ACVR1: variants seen among roughly 807,000 people sequenced by gnomAD.
The protein encoded by ACVR1 is activin receptor type-1.
ACVR1 carries 38 observed loss-of-function variants against 57.1 expected under a neutral mutation model. That is an observed-to-expected ratio of 0.67 (90% CI 0.51 to 0.87). The LOEUF (loss-of-function observed/expected upper bound fraction) is 0.87, where lower values mean the gene tolerates loss of function less well. ACVR1 is among the 40% of genes least tolerant of loss of function. The probability of loss-of-function intolerance (pLI) is 0.00; values close to 1 mark genes in which losing one functional copy is unlikely to be tolerated. For missense variants in ACVR1, 463 were observed against 638.2 expected, an observed-to-expected ratio of 0.73 and a Z score of 2.96; for synonymous variants, 212 against 228.1, an observed-to-expected ratio of 0.93 and a Z score of 0.63.
chr2:157,745,882 C>T (rs1684948436), intron 9 of ACVR1, among the ~76,000 whole-genome samples: 1 of 152,140 alleles, frequency 6.6e-6, no homozygotes, highest in East Asian at 1.9e-4. Flanking sequence ...CTGGCTGACT[C>T]AAAGATTCAT....
intron 9 of ACVR1, among the ~76,000 whole-genome samples, chr2:157,741,136 A>C (rs1465187225): frequency 6.6e-6 from 1 of 152,220 alleles, no homozygotes; most frequent in African/African-American, 2.4e-5. Flanking sequence ...AGAGCAGGAC[A>C]AGTCTCTCAT....
chr2:157,876,214 G>C lies in ACVR1; in HGVS notation c.-601C>G, dbSNP rs1690291416. 6.6e-6 allele frequency among the ~76,000 whole-genome samples: 1 copy of C among 150,690 alleles called. No individual in the cohort carries two copies. The highest frequency in any genetic ancestry group is 2.1e-4 in the South Asian group (1 of 4,798). On this transcript the variant is annotated 5_prime_UTR_variant, in exon 1 of 11. Transcript: ENST00000434821. The stretch of plus-strand genomic sequence containing the variant: ...GGCTGGGAGCACGACCGCGGGCGGG[G>C]CGGGCGGACCAGCTGGGCTTGCCCC...
intron 1 of ACVR1, among the ~76,000 whole-genome samples, chr2:157,861,755 G>T (rs189888098): frequency 6.6e-6 from 1 of 152,328 alleles, no homozygotes; most frequent in Non-Finnish European, 1.5e-5. Flanking sequence ...CACGGGCAAT[G>T]CATCATACTT....
At chr2:157,835,460 A>C (rs552505482) in intron 1 of ACVR1, among the ~76,000 whole-genome samples, 7 of 152,342 alleles carry the variant, frequency 4.6e-5, no homozygotes, top group African/African-American at 1.7e-4. Context: ...TGCTCTTATA[A>C]CCATAATGCT....
intron 1 of ACVR1, among the ~76,000 whole-genome samples, chr2:157,837,968 G>A (rs1688843923): frequency 6.6e-6 from 1 of 152,144 alleles, no homozygotes; most frequent in African/African-American, 2.4e-5. Flanking sequence ...AGTGAGGACA[G>A]CATTGTTTTA....
At chr2:157,804,485 C>A (rs1687447445) in intron 2 of ACVR1, among the ~76,000 whole-genome samples, 1 of 152,088 alleles carries the variant, frequency 6.6e-6, no homozygotes, top group Non-Finnish European at 1.5e-5. Context: ...CAACTAAATC[C>A]TTGTGCAAGG....
intron 1 of ACVR1, among the ~76,000 whole-genome samples, chr2:157,842,483 G>T (rs1689012813): frequency 6.6e-6 from 1 of 152,142 alleles, no homozygotes; most frequent in African/African-American, 2.4e-5. Flanking sequence ...TCAAGTTCCT[G>T]CCCTCAGAGT....
At chr2:157,766,243 A>T (rs747016312) in intron 7 of ACVR1, 47 bp from the exon 8 acceptor site, 4 of 1,591,910 alleles carry the variant, frequency 2.5e-6, no homozygotes, top group South Asian at 2.2e-5. Flanking sequence ...ATTCCACATT[A>T]TAACTTAAAG....
At chr2:157,857,329 A>G (rs1689568644) in intron 1 of ACVR1, among the ~76,000 whole-genome samples, 1 of 151,996 alleles carries the variant, frequency 6.6e-6, no homozygotes, top group Non-Finnish European at 1.5e-5. Flanking sequence ...TCTCCTACCC[A>G]TCTCCGACAC....
intron 1 of ACVR1, among the ~76,000 whole-genome samples, chr2:157,851,080 T>G (rs928844412): frequency 5.3e-5 from 8 of 152,098 alleles, no homozygotes; most frequent in Non-Finnish European, 1.2e-4. Context: ...AGGGTGCTAT[T>G]TCAAAAAACC....
At chr2:157,759,394 C>A (rs995407810) in intron 9 of ACVR1, among the ~76,000 whole-genome samples, 1 of 151,842 alleles carries the variant, frequency 6.6e-6, no homozygotes, top group African/African-American at 2.4e-5. Flanking sequence ...TATAATCTAC[C>A]AAGATGGAAC....
At chr2:157,837,560 A>C (rs1688827643) in intron 1 of ACVR1, among the ~76,000 whole-genome samples, 1 of 152,260 alleles carries the variant, frequency 6.6e-6, no homozygotes, top group African/African-American at 2.4e-5. Context: ...ATAGAGCGGT[A>C]CATCTGTGAT....
chr2:157,853,525 C>A (rs759631873), intron 1 of ACVR1, among the ~76,000 whole-genome samples: 17 of 152,164 alleles, frequency 1.1e-4, no homozygotes, highest in Middle Eastern at 3.2e-3. Flanking sequence ...TTGGGAAGGA[C>A]AAAATTCAGT....
At chr2:157,838,874 C>A (rs1688880374) in intron 1 of ACVR1, among the ~76,000 whole-genome samples, 1 of 152,164 alleles carries the variant, frequency 6.6e-6, no homozygotes, top group South Asian at 2.1e-4. Flanking sequence ...GTAAGTAGAA[C>A]CTAAAAATTA....
At chr2:157,852,199 G>T (rs1181047601) in intron 1 of ACVR1, among the ~76,000 whole-genome samples, 1 of 151,684 alleles carries the variant, frequency 6.6e-6, no homozygotes, top group Non-Finnish European at 1.5e-5. Flanking sequence ...GAACAGAGTT[G>T]AAAAAAATAA....
At chr2:157,849,300 T>C (rs1689221563) in intron 1 of ACVR1, among the ~76,000 whole-genome samples, 1 of 152,234 alleles carries the variant, frequency 6.6e-6, no homozygotes, top group South Asian at 2.1e-4. Context: ...ACAAGCACTA[T>C]GTACTATTGT....
intron 1 of ACVR1, among the ~76,000 whole-genome samples, chr2:157,855,949 G>A (rs767363277): frequency 3.6e-4 from 55 of 151,690 alleles, no homozygotes; most frequent in Middle Eastern, 3.2e-3. Flanking sequence ...AAAGTTCCTC[G>A]CATCATCATG....
At chr2:157,855,308 G>GTGTATATATATA (rs1307480066) in intron 1 of ACVR1, among the ~76,000 whole-genome samples, 7 of 51,656 alleles carry the variant, frequency 1.4e-4, no homozygotes, top group East Asian at 9.5e-4. Flanking sequence ...GTGTGTGTGT[G>GTGTATATATATA]TATATATATA....
At chr2:157,827,555 TCTTA>T (rs1688430904) in intron 1 of ACVR1, among the ~76,000 whole-genome samples, 1 of 152,232 alleles carries the variant, frequency 6.6e-6, no homozygotes, top group African/African-American at 2.4e-5. Context: ...AAAAATAGTC[TCTTA>T]CTTATCTCTG....
Sources: allele counts gnomAD v4.1 joint callset (sites outside exome capture counted in the v4.1 genomes callset), GRCh38; gene constraint gnomAD v4.1.1; transcripts MANE v1.5; gene names NCBI Gene and HGNC (gene_info 2026-07-23, HGNC 2026-07-21).